The following NKIRAS1 variants were observed in gnomAD, a reference collection of about 807,000 sequenced individuals.
NKIRAS1 encodes the protein NF-kappa-B inhibitor-interacting Ras-like protein 1.
A neutral mutation model predicts 19.8 loss-of-function variants in NKIRAS1; 16 were observed. That is an observed-to-expected ratio of 0.81 (90% confidence interval 0.55 to 1.23). The LOEUF is 1.23. Ranked by LOEUF, NKIRAS1 falls within the 50% of genes most tolerant of loss-of-function variation. NKIRAS1 has a pLI of 0.00. For synonymous variants in NKIRAS1, 88 were observed against 79.0 expected (o/e 1.11, Z -0.61); for missense variants, 184 against 220.0 (o/e 0.84, Z 1.04).
chr3:23,924,409 C>T (rs1335236276), intron 1 of NKIRAS1: 1 of 152,198 alleles, frequency 6.6e-6, no homozygotes, highest in Non-Finnish European at 1.5e-5. Flanking sequence ...TTTTTCTGCT[C>T]ATGAGATTCT....
upstream of NKIRAS1, chr3:23,919,758 T>A: frequency 8.4e-7 from 1 of 1,197,120 alleles, no homozygotes; most frequent in Non-Finnish European, 1.0e-6. Flanking sequence ...CTGTGTGGTA[T>A]AACAGGCTTA....
At position 23,923,334 on chromosome 3, in the gene NKIRAS1, C is replaced by A. The variant is rs563068072; in HGVS notation, c.-139-11884G>T. 5 of 151,920 alleles carry A rather than the reference C, an allele frequency of 3.3e-5. No individual in the cohort carries two copies. The East Asian group carries it at 9.7e-4, about 29-fold the overall frequency. 9.4% of individuals were successfully genotyped at this position (151,920 alleles called of 1,614,324 possible). A position where few individuals can be genotyped will look rare whatever the true frequency, so the allele number is the denominator to read the frequency against. On this transcript the variant is annotated intron_variant, in intron 1 of 4. Coordinates refer to the NKIRAS1 transcript ENST00000421515. ...CTCCCAGGTTCAAGCGATTCTCCTG[C>A]CTCAGCCTCCGAGTAGCTAGGATTA...
chr3:23,945,153 A>AGGGTAGCCGGGTAGCC (rs145516978), intron 1 of NKIRAS1: 4 of 112,372 alleles, frequency 3.6e-5, no homozygotes, highest in Admixed American at 1.9e-4. Context: ...GCAGGAGAAA[A>AGGGTAGCCGGGTAGCC]GGGTAGCCGG....
chr3:23,921,892 A>G, upstream of NKIRAS1: 1 of 434,448 alleles, frequency 2.3e-6, no homozygotes, highest in Non-Finnish European at 4.1e-6. Context: ...TATTTTTTGT[A>G]CAGACAGGAT....
At chr3:23,907,926 T>C (rs1337294300) in intron 3 of NKIRAS1, among the ~76,000 whole-genome samples, 1 of 152,034 alleles carries the variant, frequency 6.6e-6, no homozygotes, top group Non-Finnish European at 1.5e-5. Context: ...AAAGAAGAAA[T>C]GACAGAAAAA....
At chr3:23,939,018 CTGAGCCAGAAA>C (rs991762355) in intron 1 of NKIRAS1, among the ~76,000 whole-genome samples, 11 of 152,194 alleles carry the variant, frequency 7.2e-5, no homozygotes, top group Non-Finnish European at 1.5e-4. Flanking sequence ...CCAAGAGACC[CTGAGCCAGAAA>C]TGCCCAGCCA....
At position 23,926,401 on chromosome 3, in the gene NKIRAS1, T is replaced by C. The variant is rs1705213286; in HGVS notation, c.-139-14951A>G. Among the ~76,000 whole-genome samples, 1 of 152,108 alleles carries C rather than the reference T, an allele frequency of 6.6e-6. No individual in the cohort carries two copies. The highest frequency in any genetic ancestry group is 6.6e-5 in the Admixed American group (1 of 15,258). On this transcript the variant is annotated intron_variant, in intron 1 of 4. Transcript: ENST00000421515. This position sits in a 1 kb window ranked among gnomAD's most constrained non-coding sequence, Gnocchi z 4.3. ...ATTCTTCTTTATTTCTTCTTCTTTC[T>C]TCTTCCTCCTCCTCCTTCCTCCTCC...
intron 3 of NKIRAS1, among the ~76,000 whole-genome samples, chr3:23,904,084 G>C (rs915993828): frequency 3.3e-5 from 5 of 152,186 alleles, no homozygotes; most frequent in Admixed American, 3.3e-4. Context: ...AGAATTGCCT[G>C]AACTCAGGAT....
chr3:23,898,986 T>G (rs1702244651), intron 4 of NKIRAS1, among the ~76,000 whole-genome samples: 1 of 152,166 alleles, frequency 6.6e-6, no homozygotes. Flanking sequence ...ATCTAATGCC[T>G]GATGATCTGA....
intron 4 of NKIRAS1, among the ~76,000 whole-genome samples, chr3:23,896,829 C>G (rs1702044381): frequency 6.6e-6 from 1 of 150,814 alleles, no homozygotes; most frequent in Non-Finnish European, 1.5e-5. Context: ...AAAAAAAAAT[C>G]TGGGTACTGA....
intron 1 of NKIRAS1, among the ~76,000 whole-genome samples, chr3:23,924,786 T>C (rs933165282): frequency 6.6e-6 from 1 of 152,232 alleles, no homozygotes; most frequent in Non-Finnish European, 1.5e-5. Context: ...CAATTCTAAG[T>C]TCTGATTTCA....
chr3:23,898,768 G>A (rs1485235746), intron 4 of NKIRAS1, among the ~76,000 whole-genome samples: 1 of 152,026 alleles, frequency 6.6e-6, no homozygotes, highest in African/African-American at 2.4e-5. Flanking sequence ...TATATCAGGG[G>A]TCCCCAACCC....
chr3:23,912,806 G>A (rs1434526690), intron 1 of NKIRAS1, among the ~76,000 whole-genome samples: 1 of 152,094 alleles, frequency 6.6e-6, no homozygotes, highest in African/African-American at 2.4e-5. Context: ...GTCCATCAAT[G>A]ATAGACTGGA....
At chr3:23,936,232 C>T (rs908644160) in intron 1 of NKIRAS1, among the ~76,000 whole-genome samples, 1 of 151,996 alleles carries the variant, frequency 6.6e-6, no homozygotes, top group African/African-American at 2.4e-5. Context: ...AATCATAAAC[C>T]CAAGCAATGT....
At chr3:23,912,901 G>A (rs377371470) in intron 1 of NKIRAS1, among the ~76,000 whole-genome samples, 23 of 151,962 alleles carry the variant, frequency 1.5e-4, no homozygotes, top group African/African-American at 5.1e-4. Context: ...GGCGGATCAC[G>A]AGGTCAGGAG....
intron 3 of NKIRAS1, among the ~76,000 whole-genome samples, chr3:23,905,570 C>G (rs1035314999): frequency 2.0e-5 from 3 of 151,848 alleles, no homozygotes; most frequent in African/African-American, 7.3e-5. Flanking sequence ...TTGAGGAGAC[C>G]CTCCATAAAA....
chr3:23,909,894 C>A (rs1320228948), intron 3 of NKIRAS1, among the ~76,000 whole-genome samples: 1 of 139,342 alleles, frequency 7.2e-6, no homozygotes, highest in Non-Finnish European at 1.5e-5. Context: ...GAGTCTCGCT[C>A]TGTCGCCAGG....
At chr3:23,897,886 C>T (rs1702134773) in intron 4 of NKIRAS1, among the ~76,000 whole-genome samples, 2 of 152,176 alleles carry the variant, frequency 1.3e-5, no homozygotes, top group Admixed American at 1.3e-4. Context: ...TACCACATTC[C>T]CTGTACCTAG....
At chr3:23,944,187 A>G (rs1216943630) in intron 1 of NKIRAS1, among the ~76,000 whole-genome samples, 2 of 152,122 alleles carry the variant, frequency 1.3e-5, no homozygotes, top group Admixed American at 6.5e-5. Flanking sequence ...GGAGAGAAAC[A>G]TAATTTTGCT....
Sources: gnomAD v4.1 joint callset for allele counts (sites outside exome capture counted in the v4.1 genomes callset) on GRCh38, gnomAD v4.1.1 for gene constraint, Gnocchi (gnomAD v3.1) non-coding constraint, MANE v1.5 for transcripts, NCBI Gene and HGNC (gene_info 2026-07-23, HGNC 2026-07-21) for gene names.